The following CPNE8 variants were observed in gnomAD, a reference collection of about 807,000 sequenced individuals.
The protein encoded by CPNE8 is copine 8.
A neutral mutation model predicts 81.5 loss-of-function variants in CPNE8; 45 were observed. That is an observed-to-expected ratio of 0.55 (90% CI 0.44 to 0.71). The LOEUF is 0.71. CPNE8 is among the 30% of genes least tolerant of loss of function. The pLI, the probability that CPNE8 is intolerant of heterozygous loss-of-function variation, is 0.00. For synonymous variants in CPNE8, 252 were observed against 226.3 expected, an observed-to-expected ratio of 1.11 and a Z score of -1.02; for missense variants, 594 against 672.1, an observed-to-expected ratio of 0.88 and a Z score of 1.28.
At chr12:38,712,507 C>T (rs1940285103) in intron 13 of CPNE8, among the ~76,000 whole-genome samples, 1 of 152,148 alleles carries the variant, frequency 6.6e-6, no homozygotes, top group Non-Finnish European at 1.5e-5. Context: ...ACCACCATGC[C>T]CAGGCTGCCA....
chr12:38,815,033 A>G (rs190068346), intron 6 of CPNE8, among the ~76,000 whole-genome samples: 70 of 152,266 alleles, frequency 4.6e-4, no homozygotes, highest in African/African-American at 1.2e-3. Flanking sequence ...CACATCTTCA[A>G]TACCCTTTCA....
intron 3 of CPNE8, among the ~76,000 whole-genome samples, chr12:38,866,824 C>T (rs920410782): frequency 1.7e-4 from 26 of 152,178 alleles, no homozygotes; most frequent in Admixed American, 2.6e-4. Flanking sequence ...AGGCTAAATT[C>T]GGGTGTCCCT....
intron 19 of CPNE8, among the ~76,000 whole-genome samples, chr12:38,663,429 GAA>G (rs1939001489): frequency 2.0e-5 from 3 of 152,044 alleles, no homozygotes; most frequent in African/African-American, 7.2e-5. Context: ...ATTTATCAGA[GAA>G]ATGCAAATCA....
chr12:38,794,427 A>G (rs1466953330), intron 6 of CPNE8, among the ~76,000 whole-genome samples: 1 of 152,160 alleles, frequency 6.6e-6, no homozygotes, highest in Non-Finnish European at 1.5e-5. Context: ...TATATCCAAT[A>G]GAGAGTTAAT....
At chr12:38,815,044 C>T (rs1943002362) in intron 6 of CPNE8, among the ~76,000 whole-genome samples, 2 of 152,160 alleles carry the variant, frequency 1.3e-5, no homozygotes, top group Non-Finnish European at 1.5e-5. Context: ...TACCCTTTCA[C>T]ACTGACCTCA....
At chr12:38,771,803 A>G (rs1941810801) in intron 7 of CPNE8, among the ~76,000 whole-genome samples, 1 of 152,172 alleles carries the variant, frequency 6.6e-6, no homozygotes, top group Non-Finnish European at 1.5e-5. Context: ...AAAAGCAAAA[A>G]TACACGTGGG....
At chr12:38,659,706 C>A (rs1308330682) in intron 19 of CPNE8, among the ~76,000 whole-genome samples, 1 of 152,130 alleles carries the variant, frequency 6.6e-6, no homozygotes, top group Non-Finnish European at 1.5e-5. Flanking sequence ...TCTCTCAGAC[C>A]ACAGTGCAAT....
At chr12:38,721,781 A>G (rs1355217757) in intron 13 of CPNE8, among the ~76,000 whole-genome samples, 1 of 152,174 alleles carries the variant, frequency 6.6e-6, no homozygotes, top group Non-Finnish European at 1.5e-5. Flanking sequence ...AGCATCTTCA[A>G]GCTTTCGGGT....
At chr12:38,773,491 C>G (rs1029244480) in intron 7 of CPNE8, among the ~76,000 whole-genome samples, 26 of 152,052 alleles carry the variant, frequency 1.7e-4, no homozygotes, top group African/African-American at 6.0e-4. Context: ...ACCTAATAAA[C>G]TGGTTTAAAA....
chr12:38,833,479 C>CTA (rs1555166137), intron 5 of CPNE8, among the ~76,000 whole-genome samples: 19 of 130,718 alleles, frequency 1.5e-4, no homozygotes, highest in Non-Finnish European at 2.5e-4. Flanking sequence ...TGAAATTAAC[C>CTA]TTTTTTTTTT....
intron 1 of CPNE8, among the ~76,000 whole-genome samples, chr12:38,893,102 G>T (rs1944337811): frequency 6.6e-6 from 1 of 152,106 alleles, no homozygotes; most frequent in South Asian, 2.1e-4. Flanking sequence ...AAAATCAAGT[G>T]TAATATGGCA....
At chr12:38,854,390 C>T (rs745953968) in intron 3 of CPNE8, among the ~76,000 whole-genome samples, 17 of 114,952 alleles carry the variant, frequency 1.5e-4, no homozygotes, top group East Asian at 3.5e-4. Flanking sequence ...CTTTATTATA[C>T]GTCTATCCTA....
At chr12:38,691,381 T>C (rs1371490258) in intron 15 of CPNE8, among the ~76,000 whole-genome samples, 2 of 152,122 alleles carry the variant, frequency 1.3e-5, no homozygotes, top group Admixed American at 1.3e-4. Flanking sequence ...CACACAGGAA[T>C]TTTATGAAGA....
chr12:38,895,160 C>T (rs1454881688), intron 1 of CPNE8, among the ~76,000 whole-genome samples: 4 of 152,004 alleles, frequency 2.6e-5, no homozygotes, highest in Non-Finnish European at 5.9e-5. Context: ...CAAACTCATG[C>T]CACAATTCAT....
At chr12:38,795,065 G>A (rs1291432980) in intron 6 of CPNE8, among the ~76,000 whole-genome samples, 5 of 152,116 alleles carry the variant, frequency 3.3e-5, no homozygotes, top group African/African-American at 1.2e-4. Flanking sequence ...TTGGAATCTT[G>A]GACTTATACC....
At chr12:38,838,311 G>A (rs781538969) in intron 5 of CPNE8, among the ~76,000 whole-genome samples, 2 of 151,962 alleles carry the variant, frequency 1.3e-5, no homozygotes, top group Non-Finnish European at 2.9e-5. Context: ...GAAAAGACAT[G>A]GTAAAAAGAA....
chr12:38,659,857 A>G (rs966502820), intron 19 of CPNE8, among the ~76,000 whole-genome samples: 4 of 152,200 alleles, frequency 2.6e-5, no homozygotes, highest in Non-Finnish European at 5.9e-5. Flanking sequence ...GTGAACTCCC[A>G]TTCACAACTG....
chr12:38,834,015 G>A lies in CPNE8; in HGVS notation c.331-4560C>T, dbSNP rs571472540. Among the ~76,000 whole-genome samples the A allele has an allele frequency of 4.6e-5, 7 of 152,224 alleles. No individual in the cohort carries two copies. The South Asian group carries it at 1.5e-3, about 32-fold the overall frequency. On this transcript the variant is annotated intron_variant, in intron 5 of 19. Transcript: ENST00000331366. ...GAGACAGCAGGTTAGAGCAGGGTGA[G>A]CAATGATGAGAATGGCAGGAGAGGA...
At chr12:38,727,534 T>A (rs1940731862) in intron 11 of CPNE8, among the ~76,000 whole-genome samples, 1 of 152,218 alleles carries the variant, frequency 6.6e-6, no homozygotes, top group Non-Finnish European at 1.5e-5. Context: ...TTAACTGACT[T>A]ATATGGAAGC....
Sources: gnomAD v4.1 joint callset for allele counts (sites outside exome capture counted in the v4.1 genomes callset) on GRCh38, gnomAD v4.1.1 for gene constraint, MANE v1.5 for transcripts, NCBI Gene and HGNC (gene_info 2026-07-23, HGNC 2026-07-21) for gene names.